Variants in SOX5 observed in about 807,000 individuals in gnomAD.
SOX5 encodes transcription factor SOX-5.
In SOX5, 9 loss-of-function variants were observed where a neutral mutation model predicts 92.0. That is an observed-to-expected ratio of 0.10 (90% CI 0.06 to 0.17). The LOEUF (loss-of-function observed/expected upper bound fraction) is 0.17. Among genes scored for constraint, SOX5 ranks in the 10% least tolerant of loss-of-function variants. SOX5 has a pLI of 1.00. For missense variants in SOX5, 642 were observed against 944.5 expected (o/e 0.68, Z 4.20); for synonymous variants, 344 against 336.3 (o/e 1.02, Z -0.25).
At chr12:23,941,488 A>C (rs1383430000) in intron 1 of SOX5, among the ~76,000 whole-genome samples, 2 of 151,590 alleles carry the variant, frequency 1.3e-5, no homozygotes, top group African/African-American at 2.4e-5. Context: ...TCCTAAAAAT[A>C]ATACCTTTTC....
intron 3 of SOX5, among the ~76,000 whole-genome samples, chr12:23,810,584 G>A (rs2095859645): frequency 6.6e-6 from 1 of 152,148 alleles, no homozygotes; most frequent in African/African-American, 2.4e-5. Context: ...GTAGGCCAAA[G>A]GAAAAATGCA....
At chr12:23,546,281 C>T (rs1943122032) in intron 12 of SOX5, 35 bp downstream of exon 12, 1 of 1,206,010 alleles carries the variant, frequency 8.3e-7, no homozygotes, top group Non-Finnish European at 1.2e-6. Context: ...CACTTTCTTG[C>T]ATTATTAGAA....
chr12:24,369,423 T>A (rs1318435361), intron 1 of SOX5, among the ~76,000 whole-genome samples: 1 of 152,170 alleles, frequency 6.6e-6, no homozygotes, highest in Non-Finnish European at 1.5e-5. Context: ...TAGGGGACAG[T>A]ATGTAGTCAA....
intron 9 of SOX5, among the ~76,000 whole-genome samples, chr12:23,577,141 A>G (rs1240523577): frequency 6.1e-5 from 7 of 115,488 alleles, no homozygotes; most frequent in Non-Finnish European, 1.1e-4. Flanking sequence ...TCAAGTTTAT[A>G]TATATATATA....
intron 1 of SOX5, among the ~76,000 whole-genome samples, chr12:24,471,286 G>C (rs888317582): frequency 7.9e-5 from 12 of 151,994 alleles, no homozygotes; most frequent in African/African-American, 2.9e-4. Flanking sequence ...GGGATGTTCT[G>C]GTAAATCATA....
intron 4 of SOX5, among the ~76,000 whole-genome samples, chr12:23,981,569 A>G (rs1949569975): frequency 6.6e-6 from 1 of 152,148 alleles, no homozygotes; most frequent in South Asian, 2.1e-4. Context: ...TGCACTTATG[A>G]AGAGCTTGGT....
chr12:23,557,230 A>G (rs1182853805), intron 11 of SOX5, among the ~76,000 whole-genome samples: 1 of 152,206 alleles, frequency 6.6e-6, no homozygotes, highest in African/African-American at 2.4e-5. Context: ...TGACTCAGAA[A>G]GGGTCAAAAA....
At chr12:23,979,703 T>TTTG (rs1949329114) in intron 4 of SOX5, among the ~76,000 whole-genome samples, 9 of 79,980 alleles carry the variant, frequency 1.1e-4, no homozygotes, top group Non-Finnish European at 1.5e-4. Flanking sequence ...TATATGTTTT[T>TTTG]TTTGTTTTTT....
At chr12:24,341,755 G>A (rs1952600082) in intron 2 of SOX5, among the ~76,000 whole-genome samples, 1 of 152,148 alleles carries the variant, frequency 6.6e-6, no homozygotes, top group African/African-American at 2.4e-5. Context: ...GTCCGCTTCA[G>A]GAAGCACCTT....
chr12:23,663,412 C>G (rs943305926), intron 7 of SOX5, among the ~76,000 whole-genome samples: 1 of 152,108 alleles, frequency 6.6e-6, no homozygotes, highest in Non-Finnish European at 1.5e-5. Flanking sequence ...CCAACTCTGT[C>G]AAATGAGAGT....
At chr12:23,780,577 G>T (rs1382670944) in intron 3 of SOX5, among the ~76,000 whole-genome samples, 1 of 151,838 alleles carries the variant, frequency 6.6e-6, no homozygotes, top group Non-Finnish European at 1.5e-5. Context: ...CTTGAATGAG[G>T]GAGAATTTAT....
At chr12:23,843,473 T>G (rs1353962161) in intron 3 of SOX5, among the ~76,000 whole-genome samples, 1 of 151,842 alleles carries the variant, frequency 6.6e-6, no homozygotes, top group Non-Finnish European at 1.5e-5. Flanking sequence ...TCTAAAACTG[T>G]TTTTAAAAAA....
chr12:23,593,122 A>T (rs545218002), intron 9 of SOX5, among the ~76,000 whole-genome samples: 1 of 152,204 alleles, frequency 6.6e-6, no homozygotes, highest in South Asian at 2.1e-4. Flanking sequence ...TCCTTAAAAA[A>T]AATAGTTTTT....
At chr12:23,707,920 C>T (rs977631461) in intron 6 of SOX5, among the ~76,000 whole-genome samples, 3 of 151,988 alleles carry the variant, frequency 2.0e-5, no homozygotes, top group South Asian at 2.1e-4. Context: ...TTTTCTAGGT[C>T]GGAAAGCTGA....
chr12:24,506,420 G>T (rs1235833974), intron 1 of SOX5, among the ~76,000 whole-genome samples: 3 of 148,022 alleles, frequency 2.0e-5, no homozygotes, highest in Non-Finnish European at 3.0e-5. Context: ...AAAAAAAAAA[G>T]AGAGAGAGAG....
chr12:23,760,023 T>C (rs1210202694), intron 3 of SOX5, among the ~76,000 whole-genome samples: 1 of 152,090 alleles, frequency 6.6e-6, no homozygotes, highest in Non-Finnish European at 1.5e-5. Flanking sequence ...GTCATGTTTT[T>C]CACTTAACTC....
intron 3 of SOX5, among the ~76,000 whole-genome samples, chr12:23,838,141 C>T (rs190541549): frequency 7.2e-6 from 1 of 138,434 alleles, no homozygotes; most frequent in Non-Finnish European, 1.5e-5. Context: ...ATTTATATTA[C>T]ATATATTTAT....
At chr12:23,986,312 A>T (rs2136214693) in intron 4 of SOX5, among the ~76,000 whole-genome samples, 1 of 152,260 alleles carries the variant, frequency 6.6e-6, no homozygotes, top group South Asian at 2.1e-4. Flanking sequence ...AAGACATACG[A>T]CAAAATCCCA....
At chr12:23,579,798 TA>T (rs1949788121) in intron 9 of SOX5, among the ~76,000 whole-genome samples, 1 of 151,962 alleles carries the variant, frequency 6.6e-6, no homozygotes, top group Non-Finnish European at 1.5e-5. Context: ...TACTTACAAA[TA>T]AAAGGATATG....
Sources: allele counts gnomAD v4.1 joint callset (sites outside exome capture counted in the v4.1 genomes callset), GRCh38; gene constraint gnomAD v4.1.1; transcripts MANE v1.5; gene names NCBI Gene and HGNC (gene_info 2026-07-23, HGNC 2026-07-21).